The following INSL6 variants were observed in gnomAD, a reference collection of about 807,000 sequenced individuals.
The protein encoded by INSL6 is insulin-like peptide INSL6.
A neutral mutation model predicts 9.4 loss-of-function variants in INSL6; 16 were observed. The ratio of observed to expected loss-of-function variants is 1.70; its 90% CI spans 1.15 to 2.59. The LOEUF is 2.59. Ranked by LOEUF, INSL6 falls within the 30% of genes most tolerant of loss-of-function variation. INSL6 has a pLI of 0.00. For synonymous variants in INSL6, 154 were observed against 96.9 expected (o/e 1.59, Z -3.46); for missense variants, 391 against 257.3 (o/e 1.52, Z -3.56).
At chr9:5,071,583 C>T in the INSL6 span, among the ~76,000 whole-genome samples, 2 of 151,976 alleles carry the variant, frequency 1.3e-5, no homozygotes, top group East Asian at 3.9e-4. Context: ...TGTAGTGAAC[C>T]TCAAGACAGA....
At chr9:5,052,880 C>T in the INSL6 span, among the ~76,000 whole-genome samples, 1 of 151,872 alleles carries the variant, frequency 6.6e-6, no homozygotes, top group African/African-American at 2.4e-5. Flanking sequence ...CCACATTTTG[C>T]TTATTTGTTC....
the INSL6 span, chr9:5,029,843 A>T: frequency 6.2e-7 from 1 of 1,611,542 alleles, no homozygotes; most frequent in Non-Finnish European, 8.5e-7. Flanking sequence ...AGGATCTGGT[A>T]TCCACCCAAC....
At chr9:5,080,657 G>A in the INSL6 span, 9 of 1,596,322 alleles carry the variant, frequency 5.6e-6, no homozygotes, top group South Asian at 1.2e-5. Flanking sequence ...GCCATCATAC[G>A]AGATCTTAAC....
At chr9:5,126,620 C>T in intron 3 of INSL6, 2 of 1,181,360 alleles carry the variant, frequency 1.7e-6, no homozygotes, top group Non-Finnish European at 2.5e-6. Flanking sequence ...AAATTAATGT[C>T]TTCCACCAAT....
At chr9:5,146,934 G>C (rs895621511) in intron 2 of INSL6, among the ~76,000 whole-genome samples, 2 of 152,184 alleles carry the variant, frequency 1.3e-5, no homozygotes, top group Non-Finnish European at 2.9e-5. Flanking sequence ...AGCATGACCA[G>C]GATGGGGCCC....
the INSL6 span, among the ~76,000 whole-genome samples, chr9:5,107,334 T>G: frequency 3.3e-5 from 5 of 152,180 alleles, no homozygotes; most frequent in Admixed American, 6.5e-5. Context: ...CCAGCCCCTA[T>G]GAAGGCAGAT....
At chr9:5,037,618 A>G in the INSL6 span, among the ~76,000 whole-genome samples, 10 of 152,196 alleles carry the variant, frequency 6.6e-5, no homozygotes, top group Non-Finnish European at 7.4e-5. Flanking sequence ...CAAAAAACCA[A>G]ACACTGCATG....
chr9:5,131,435 ATTTT>A (rs550915336), intron 3 of INSL6, among the ~76,000 whole-genome samples: 2 of 115,828 alleles, frequency 1.7e-5, no homozygotes, highest in Non-Finnish European at 1.7e-5. Flanking sequence ...CCAGTTAACA[ATTTT>A]TTTTTTTTTT....
At chr9:5,122,018 A>T (rs1200063752), downstream of INSL6, among the ~76,000 whole-genome samples, 2 of 152,188 alleles carry the variant, frequency 1.3e-5, no homozygotes, top group East Asian at 3.8e-4. Context: ...TGTAAAAAGA[A>T]TATAGCATTA....
intron 1 of INSL6, among the ~76,000 whole-genome samples, chr9:5,180,580 A>AT (rs1825430149): frequency 6.6e-6 from 1 of 152,154 alleles, no homozygotes; most frequent in African/African-American, 2.4e-5. Context: ...TGTCGTTGAC[A>AT]TAAGGACTGA....
At chr9:5,103,366 G>A in the INSL6 span, among the ~76,000 whole-genome samples, 2 of 148,392 alleles carry the variant, frequency 1.3e-5, no homozygotes, top group Admixed American at 6.6e-5. Context: ...GGCAAGAAGA[G>A]CTAACTATAC....
chr9:5,010,421 A>G, the INSL6 span, among the ~76,000 whole-genome samples: 2 of 151,968 alleles, frequency 1.3e-5, no homozygotes, highest in East Asian at 1.9e-4. Flanking sequence ...TCGGGGTTCA[A>G]GCAATTCTCC....
intron 3 of INSL6, among the ~76,000 whole-genome samples, chr9:5,129,237 A>G (rs1383344640): frequency 6.6e-6 from 1 of 151,990 alleles, no homozygotes; most frequent in Non-Finnish European, 1.5e-5. Flanking sequence ...GCCTATGTTA[A>G]TTTCTTTAGC....
At chr9:5,076,406 C>T in the INSL6 span, among the ~76,000 whole-genome samples, 1 of 152,152 alleles carries the variant, frequency 6.6e-6, no homozygotes, top group African/African-American at 2.4e-5. Flanking sequence ...CTTTAAGCAG[C>T]CACCACCATG....
the INSL6 span, among the ~76,000 whole-genome samples, chr9:5,019,611 G>A: frequency 6.6e-6 from 1 of 152,092 alleles, no homozygotes; most frequent in Non-Finnish European, 1.5e-5. Flanking sequence ...ATGTTCCCAT[G>A]TTTCTTGTGA....
chr9:5,170,674 C>A (rs568136549), intron 1 of INSL6, among the ~76,000 whole-genome samples: 1 of 151,796 alleles, frequency 6.6e-6, no homozygotes, highest in Non-Finnish European at 1.5e-5. Context: ...ACTGACCCCA[C>A]AGAAATACAA....
At chr9:5,037,601 G>C in the INSL6 span, among the ~76,000 whole-genome samples, 7 of 151,942 alleles carry the variant, frequency 4.6e-5, no homozygotes, top group East Asian at 3.9e-4. Context: ...GCAAACTATC[G>C]CAAGGACAAA....
chr9:5,077,331 G>C, the INSL6 span: 9 of 343,180 alleles, frequency 2.6e-5, no homozygotes, highest in Non-Finnish European at 4.0e-5. Flanking sequence ...TTAAAGTTGT[G>C]AGTTTTGCCA....
intron 1 of INSL6, among the ~76,000 whole-genome samples, chr9:5,178,256 G>A (rs1825361283): frequency 6.6e-6 from 1 of 152,130 alleles, no homozygotes; most frequent in Non-Finnish European, 1.5e-5. Context: ...TCCAGCCAGG[G>A]TTACAGGGAC....
Sources: gnomAD v4.1 joint callset for allele counts (sites outside exome capture counted in the v4.1 genomes callset) on GRCh38, gnomAD v4.1.1 for gene constraint, MANE v1.5 for transcripts, NCBI Gene and HGNC (gene_info 2026-07-23, HGNC 2026-07-21) for gene names.